CCDC110: variants seen among roughly 807,000 people sequenced by gnomAD.
The protein encoded by CCDC110 is coiled-coil domain containing 110.
In CCDC110, 70 loss-of-function variants were observed where a neutral mutation model predicts 77.1. That is an observed-to-expected ratio of 0.91 (90% CI 0.75 to 1.11). CCDC110 has a LOEUF of 1.11. CCDC110 is among the 50% of genes least tolerant of loss of function. The pLI is 0.00. For synonymous variants in CCDC110, 295 were observed against 312.5 expected (o/e 0.94, Z 0.59); for missense variants, 868 against 942.9 (o/e 0.92, Z 1.04).
In CCDC110 at chr4:185,471,669, C is replaced by A; in HGVS notation, c.10+5G>T. 6.4e-7 allele frequency: 1 copy of A among 1,558,230 alleles called. No individual in the cohort carries two copies. The highest frequency in any genetic ancestry group is 1.8e-5 in the Admixed American group (1 of 54,202). Reference sequence around the variant, plus strand: ...CCTAGGAGCCCCGCCCCGTCCAACTCTTACCCGGGCTCATCGCCGCGGCTC... The same window carrying A: ...CCTAGGAGCCCCGCCCCGTCCAACTATTACCCGGGCTCATCGCCGCGGCTC... On this transcript the variant is annotated splice_donor_5th_base_variant and intron_variant, in intron 1 of 6. Coordinates refer to ENST00000307588, the MANE Select transcript of CCDC110 (RefSeq NM_152775.4).
Position 185,448,255 on chromosome 4 carries a change from A to T in CCDC110, c.2462-2713T>A, listed in dbSNP as rs139784456. On this transcript the variant is annotated intron_variant, in intron 6 of 6. Transcript: ENST00000307588. ...AGGCTGGTCTCGAACTCCTGACCTC[A>T]GGTGATCCGCCCGCCTCAGCCTCCC... is the stretch of plus-strand genomic sequence containing the variant. Among the ~76,000 whole-genome samples the T allele has an allele frequency of 2.7e-3, 409 of 152,228 alleles. 1 individual carries two copies. The highest frequency in any genetic ancestry group is 4.3e-3 in the Non-Finnish European group (291 of 67,992).
At chr4:185,445,799 T>G (rs2095609039) in intron 6 of CCDC110, among the ~76,000 whole-genome samples, 1 of 152,204 alleles carries the variant, frequency 6.6e-6, no homozygotes, top group Non-Finnish European at 1.5e-5. Context: ...AACATTAGTA[T>G]TATTTCACAA....
rs536893116 is a variant in CCDC110 at position 185,468,780 on chromosome 4, C to G, written c.115+2165G>C. On this transcript the variant is annotated intron_variant, in intron 2 of 6. Coordinates refer to ENST00000307588, the MANE Select transcript of CCDC110 (RefSeq NM_152775.4). This position sits in a 1 kb window ranked among gnomAD's most constrained non-coding sequence, Gnocchi z 4.5. ...TGCCACTCCAAATATTCCTCCCCCCCTTCTCAGCCTTATGTTCTCCATAGA... is the reference window on the plus strand; with the variant it reads ...TGCCACTCCAAATATTCCTCCCCCCGTTCTCAGCCTTATGTTCTCCATAGA... 5.2e-4 allele frequency among the ~76,000 whole-genome samples: 79 copies of G among 152,310 alleles called. 1 individual carries two copies. Among genetic ancestry groups the G allele is most frequent in the African/African-American group, 1.9e-3 (79 of 41,558 alleles).
At chr4:185,448,295 A>G (rs1211979338) in intron 6 of CCDC110, among the ~76,000 whole-genome samples, 2 of 151,474 alleles carry the variant, frequency 1.3e-5, no homozygotes, top group African/African-American at 4.8e-5. Flanking sequence ...TGCTGGGATT[A>G]AGTGCTGGGA....
intron 2 of CCDC110, among the ~76,000 whole-genome samples, chr4:185,466,026 A>G (rs1201895386): frequency 1.3e-5 from 2 of 152,182 alleles, no homozygotes; most frequent in Non-Finnish European, 2.9e-5. Context: ...GAGATATCCA[A>G]TAGTCAGGTG....
intron 2 of CCDC110, among the ~76,000 whole-genome samples, chr4:185,469,658 G>A (rs114250618): frequency 0.011 from 1,726 of 152,330 alleles, 37 homozygotes; most frequent in African/African-American, 0.039. Flanking sequence ...TCTCAAGGGT[G>A]GAGGCAGGAG....
Position 185,459,999 on chromosome 4 carries a change from ATTC to A in CCDC110, c.585_587del (p.Lys195del), listed in dbSNP as rs751023901. Reference sequence around the variant, plus strand: ...GTAGAAAACGATAAAAGTTATTATAATTCTTCAAGATGTCAGAATTTTCTGAAG... The same window carrying A: ...GTAGAAAACGATAAAAGTTATTATAATTCAAGATGTCAGAATTTTCTGAAG... On this transcript the variant is annotated inframe_deletion, in exon 6 of 7. Transcript: ENST00000307588. 41 of 1,613,442 alleles carry A rather than the reference ATTC, an allele frequency of 2.5e-5. No individual in the cohort carries two copies. The South Asian group carries it at 4.4e-4, about 17-fold the overall frequency.
At chr4:185,449,723 A>T in intron 6 of CCDC110, 1 of 1,008,196 alleles carries the variant, frequency 9.9e-7, no homozygotes, top group East Asian at 2.8e-5. Context: ...AAAAAATATA[A>T]GATGTTATGG....
At chr4:185,470,667 G>C (rs933508822) in intron 2 of CCDC110, 8 of 545,116 alleles carry the variant, frequency 1.5e-5, no homozygotes, top group Admixed American at 1.3e-4. Flanking sequence ...TCCATTCCTC[G>C]CTGCCTGTGT....
chr4:185,449,516 C>T (rs910630387), intron 6 of CCDC110: 21 of 852,142 alleles, frequency 2.5e-5, no homozygotes, highest in Admixed American at 1.5e-4. Context: ...GAGCGAGACC[C>T]GGTCTTAAAA....
intron 2 of CCDC110, chr4:185,470,589 A>G: frequency 1.1e-5 from 5 of 458,536 alleles, no homozygotes; most frequent in South Asian, 6.3e-5. Flanking sequence ...CTTAGCATTC[A>G]GAGAAGCAAC....
At position 185,445,332 on chromosome 4, in the gene CCDC110, A is replaced by G. The variant is rs1259995926; in HGVS notation, c.*170T>C. ...CCCCATCTTCTGAAATTCCCAGCTG[A>G]GAAAGCTTAAGTTATCTGCACCAAA... is the stretch of plus-strand genomic sequence containing the variant. On this transcript the variant is annotated 3_prime_UTR_variant, in exon 7 of 7. Transcript: ENST00000307588. 1.4e-6 allele frequency: 1 copy of G among 719,082 alleles called. No homozygotes were observed. Among genetic ancestry groups the G allele is most frequent in the African/African-American group, 1.8e-5 (1 of 56,124 alleles). The allele number at this position is 719,082 out of a possible 1,614,324, so 44.5% of individuals were successfully genotyped here.
At chr4:185,461,222 T>C (rs1204126445) in intron 4 of CCDC110, 63 bp from the exon 5 acceptor site, 3 of 767,850 alleles carry the variant, frequency 3.9e-6, no homozygotes, top group Admixed American at 5.1e-5. Flanking sequence ...TGTACAGGAA[T>C]AATAGACATT....
In CCDC110 at chr4:185,471,666, A is replaced by G; in HGVS notation, c.10+8T>C. ...TCCCCTAGGAGCCCCGCCCCGTCCA[A>G]CTCTTACCCGGGCTCATCGCCGCGG... is the stretch of plus-strand genomic sequence containing the variant. On this transcript the variant is annotated splice_region_variant and intron_variant, in intron 1 of 6. Transcript: ENST00000307588. The G allele has an allele frequency of 1.3e-6, 2 of 1,559,472 alleles. No homozygotes were observed. The highest frequency in any genetic ancestry group is 2.8e-5 in the African/African-American group (2 of 70,282).
intron 6 of CCDC110, among the ~76,000 whole-genome samples, chr4:185,447,470 ACG>A: frequency 6.6e-6 from 1 of 152,050 alleles, no homozygotes; most frequent in Non-Finnish European, 1.5e-5. Context: ...TTGATCCACC[ACG>A]CCCGGCCGAT....
intron 2 of CCDC110, among the ~76,000 whole-genome samples, chr4:185,465,437 C>T (rs1331280870): frequency 1.3e-5 from 2 of 152,208 alleles, no homozygotes; most frequent in East Asian, 3.8e-4. Context: ...TATTTTCCAT[C>T]TTCCATCTCT....
In CCDC110 at chr4:185,454,219, G is replaced by A. The variant is rs191722557; in HGVS notation, c.2461+3907C>T. Among the ~76,000 whole-genome samples, 7 of 152,240 alleles carry A rather than the reference G, an allele frequency of 4.6e-5. No homozygotes were observed. In the East Asian group the frequency reaches 1.4e-3, roughly 29 times the overall value. ...AGTTACTTGTAGGAAATCAACTGTA[G>A]AACGCACGTTACTTTACAAGAAAAA... On this transcript the variant is annotated intron_variant, in intron 6 of 6. Coordinates refer to ENST00000307588, the MANE Select transcript of CCDC110 (RefSeq NM_152775.4).
chr4:185,451,949 T>C (rs1316095057), intron 6 of CCDC110, among the ~76,000 whole-genome samples: 1 of 152,244 alleles, frequency 6.6e-6, no homozygotes, highest in African/African-American at 2.4e-5. Flanking sequence ...CTGGATTTTA[T>C]ATAAATGTAT....
chr4:185,469,687 C>T (rs1040789386), intron 2 of CCDC110, among the ~76,000 whole-genome samples: 45 of 152,200 alleles, frequency 3.0e-4, no homozygotes, highest in Non-Finnish European at 7.3e-5. Flanking sequence ...GGGGACTGGC[C>T]AGTGCCTGTC....
Sources: gnomAD v4.1 joint callset for allele counts (sites outside exome capture counted in the v4.1 genomes callset) on GRCh38, gnomAD v4.1.1 for gene constraint, Gnocchi (gnomAD v3.1) non-coding constraint, MANE v1.5 for transcripts, NCBI Gene and HGNC (gene_info 2026-07-23, HGNC 2026-07-21) for gene names.